The following ANKRD24 variants were observed in gnomAD, a reference collection of about 807,000 sequenced individuals.
The protein encoded by ANKRD24 is ankyrin repeat domain-containing protein 24.
A neutral mutation model predicts 127.8 loss-of-function variants in ANKRD24; 109 were observed. The ratio of observed to expected loss-of-function variants is 0.85; its 90% CI spans 0.73 to 1.00. The LOEUF (loss-of-function observed/expected upper bound fraction) is 1.00. Among genes scored for constraint, ANKRD24 ranks in the 50% least tolerant of loss-of-function variants. The probability of loss-of-function intolerance (pLI) is 0.00; values close to 1 mark genes in which losing one functional copy is unlikely to be tolerated. For missense variants in ANKRD24, 1,648 were observed against 1,570.2 expected (o/e 1.05, Z -0.84); for synonymous variants, 743 against 671.1 (o/e 1.11, Z -1.66).
At position 4,218,073 on chromosome 19, in the gene ANKRD24, G is replaced by T. The variant is rs770622444; in HGVS notation, c.2913G>T (p.Val971=). The change falls in exon 18 of 22, where the codon GTG becomes GTT. Residue 971 remains valine, a synonymous_variant. Coordinates refer to ENST00000318934, the MANE Select transcript of ANKRD24 (RefSeq NM_001393985.1). ...SVALSEHERI[V]GTLQANVAQL... ...CGCTCTCGGAGCACGAACGCATCGT[G>T]GGCACCCTGCAGGCCAACGTGGCCC... 7 of 1,555,812 alleles carry T rather than the reference G, an allele frequency of 4.5e-6. No individual in the cohort carries two copies. The highest frequency in any genetic ancestry group is 1.2e-5 in the South Asian group (1 of 83,842).
chr19:4,216,955 A>C lies in ANKRD24; in HGVS notation c.1795A>C (p.Thr599Pro), dbSNP rs758115867. 15 of 1,611,776 alleles carry C rather than the reference A, an allele frequency of 9.3e-6. No homozygotes were observed. The highest frequency in any genetic ancestry group is 1.3e-5 in the African/African-American group (1 of 74,870). Residue 599 changes from threonine (T) to proline (P), a missense_variant, in exon 18 of 22, where the codon ACA becomes CCA. Physicochemically the swap from Thr to Pro is conservative, Grantham distance 38. Transcript: ENST00000318934. The stretch of plus-strand genomic sequence containing the variant: ...GGCCACAGGAGCCAAGGTCACAGAA[A>C]CAAAACCCACAGGGGCTGAGGTCAG... ...AEATGAKVTE[T>P]KPTGAEVREM...
intron 11 of ANKRD24, among the ~76,000 whole-genome samples, chr19:4,209,319 G>C (rs1223575591): frequency 1.3e-5 from 2 of 151,882 alleles, no homozygotes; most frequent in East Asian, 3.9e-4. Context: ...TGTTGGCCAG[G>C]CTGGTCTCAA....
chr19:4,217,852 G>A lies in ANKRD24; in HGVS notation c.2692G>A (p.Gly898Ser), dbSNP rs1970204020. ...LPAACEEARQ[G>S]LAELREASEA... ...TGCGGCCTGCGAGGAGGCGCGGCAG[G>A]GCCTGGCCGAGCTGCGGGAGGCCTC... The change falls in exon 18 of 22, where the codon GGC becomes AGC. Residue 898 changes from glycine to serine, a missense_variant. Physicochemically the swap from Gly to Ser is moderately conservative, Grantham distance 56. Coordinates refer to ENST00000318934, the MANE Select transcript of ANKRD24 (RefSeq NM_001393985.1). The A allele has an allele frequency of 6.9e-7, 1 of 1,450,672 alleles. No homozygotes were observed. The highest frequency in any genetic ancestry group is 3.0e-5 in the East Asian group (1 of 32,824). 89.9% of individuals were successfully genotyped at this position (1,450,672 alleles called of 1,614,324 possible).
intron 1 of ANKRD24, among the ~76,000 whole-genome samples, chr19:4,185,741 CTG>C (rs1330892387): frequency 3.3e-5 from 5 of 152,248 alleles, no homozygotes; most frequent in African/African-American, 1.2e-4. Context: ...AAACATGCCT[CTG>C]TGCTGAGAGC....
chr19:4,208,948 A>T, intron 11 of ANKRD24, 147 bp downstream of exon 11: 7 of 821,798 alleles, frequency 8.5e-6, no homozygotes, highest in Non-Finnish European at 1.3e-5. Context: ...TGCTGCCACC[A>T]AGTGGCGGCA....
Position 4,207,798 on chromosome 19 carries a change from C to A in ANKRD24, c.662C>A (p.Ala221Asp). ...DLQGRTALML[A>D]CEGASPETVE... ...CCTGGTAGGACGGCCCTGATGCTGG[C>A]CTGTGAGGGGGCCAGCCCCGAAACA... is the stretch of plus-strand genomic sequence containing the variant. Residue 221 changes from alanine to aspartate, a missense_variant, in exon 10 of 22, where the codon GCC becomes GAC. Coordinates refer to ENST00000318934, the MANE Select transcript of ANKRD24 (RefSeq NM_001393985.1). 6.4e-7 allele frequency: 1 copy of A among 1,573,026 alleles called. No homozygotes were observed. The highest frequency in any genetic ancestry group is 8.6e-7 in the Non-Finnish European group (1 of 1,160,078).
intron 19 of ANKRD24, among the ~76,000 whole-genome samples, chr19:4,220,455 ACCCACGTT>A (rs142657384): frequency 0.019 from 2,824 of 152,242 alleles, 93 homozygotes; most frequent in African/African-American, 0.064. Flanking sequence ...CTGGGTTTGT[ACCCACGTT>A]CCCACGTTTC....
chr19:4,203,898 G>A (rs1232148258), intron 7 of ANKRD24, among the ~76,000 whole-genome samples: 2 of 145,470 alleles, frequency 1.4e-5, no homozygotes, highest in African/African-American at 2.6e-5. Context: ...TGATCTGCCC[G>A]CCTCGGCCTC....
rs780023935 is a variant in ANKRD24, at chr19:4,217,248, G to T, written c.2088G>T (p.Gly696=). Residue 696 remains glycine (G), a synonymous_variant, in exon 18 of 22, where the codon GGG becomes GGT. Transcript: ENST00000318934. ...GVSATGVENP[G]VEATVPGISA... ...GTGCCACAGGTGTGGAGAACCCAGG[G>T]GTAGAGGCCACGGTCCCGGGGATCT... 6.3e-7 allele frequency: 1 copy of T among 1,591,392 alleles called. No individual in the cohort carries two copies. Among genetic ancestry groups the T allele is most frequent in the East Asian group, 2.3e-5 (1 of 43,708 alleles).
At chr19:4,222,635 C>T (rs902315880) in intron 19 of ANKRD24, 35 bp from the exon 20 acceptor site, 2 of 1,577,322 alleles carry the variant, frequency 1.3e-6, no homozygotes, top group Non-Finnish European at 8.7e-7. Context: ...CAGCTCTGGG[C>T]TTAGGGTGAT....
At chr19:4,210,187 C>T (rs748461434) in intron 12 of ANKRD24, 49 bp downstream of exon 12, 25 of 1,568,686 alleles carry the variant, frequency 1.6e-5, no homozygotes, top group East Asian at 4.6e-5. Flanking sequence ...CCCCCAGGCA[C>T]GGGGAGGGGC....
At chr19:4,194,451 C>A (rs1027973907) in intron 2 of ANKRD24, among the ~76,000 whole-genome samples, 1 of 152,142 alleles carries the variant, frequency 6.6e-6, no homozygotes, top group Non-Finnish European at 1.5e-5. Context: ...CCGCACCTAG[C>A]CAGAAATGTG....
intron 2 of ANKRD24, among the ~76,000 whole-genome samples, chr19:4,197,582 AAATGGGTGAGACC>A (rs1968819962): frequency 6.6e-6 from 1 of 151,514 alleles, no homozygotes; most frequent in Non-Finnish European, 1.5e-5. Flanking sequence ...ATGAATGAAC[AAATGGGTGAGACC>A]AATGAATGAA....
intron 20 of ANKRD24, among the ~76,000 whole-genome samples, chr19:4,223,883 G>C (rs566548998): frequency 6.6e-6 from 1 of 152,184 alleles, no homozygotes; most frequent in South Asian, 2.1e-4. Flanking sequence ...ATTTTTAGTA[G>C]AGACGGGATT....
intron 5 of ANKRD24, among the ~76,000 whole-genome samples, chr19:4,201,789 A>G (rs1969107148): frequency 6.6e-6 from 1 of 152,162 alleles, no homozygotes; most frequent in Non-Finnish European, 1.5e-5. Flanking sequence ...CGGAAGGCTG[A>G]GACAGGAGGA....
At chr19:4,209,012 TA>T in intron 11 of ANKRD24, 1 of 435,906 alleles carries the variant, frequency 2.3e-6, no homozygotes. Flanking sequence ...GGGGCCAAAT[TA>T]TGGGGCTGGG....
At position 4,195,588 on chromosome 19, in the gene ANKRD24, C is replaced by T. The variant is rs1164491578; in HGVS notation, c.37-4095C>T. On this transcript the variant is annotated intron_variant, in intron 2 of 21. Transcript: ENST00000318934. This position sits in a 1 kb window ranked among gnomAD's most constrained non-coding sequence, Gnocchi z 4.2. ...TTTCCTGCCTTGGTTCCCACTCCTC[C>T]CTCCTCTTGTCCAAACATGTCTAAG... Among the ~76,000 whole-genome samples the T allele has an allele frequency of 6.6e-6, 1 of 152,178 alleles. No individual in the cohort carries two copies. The highest frequency in any genetic ancestry group is 1.5e-5 in the Non-Finnish European group (1 of 68,036).
At chr19:4,184,387 G>A (rs2145199880) in intron 1 of ANKRD24, among the ~76,000 whole-genome samples, 1 of 152,352 alleles carries the variant, frequency 6.6e-6, no homozygotes, top group African/African-American at 2.4e-5. Context: ...TTGTATGTGG[G>A]AGAAAGAAGC....
chr19:4,217,274 C>G lies in ANKRD24; in HGVS notation c.2114C>G (p.Ser705Cys). 2 of 1,562,348 alleles carry G rather than the reference C, an allele frequency of 1.3e-6. No homozygotes were observed. Among genetic ancestry groups the G allele is most frequent in the Non-Finnish European group, 1.7e-6 (2 of 1,153,404 alleles). ...PGVEATVPGI[S>C]AGPILHPGAA... ...GTAGAGGCCACGGTCCCGGGGATCTCTGCTGGCCCCATCCTACATCCTGGT... is the reference window on the plus strand; with the variant it reads ...GTAGAGGCCACGGTCCCGGGGATCTGTGCTGGCCCCATCCTACATCCTGGT... Residue 705 changes from serine (S) to cysteine (C), a missense_variant, in exon 18 of 22, where the codon TCT becomes TGT. Physicochemically the swap from Ser to Cys is moderately radical, Grantham distance 112. Transcript: ENST00000318934.
Sources: gnomAD v4.1 joint callset for allele counts (sites outside exome capture counted in the v4.1 genomes callset) on GRCh38, gnomAD v4.1.1 for gene constraint, Gnocchi (gnomAD v3.1) non-coding constraint, MANE v1.5 for transcripts, NCBI Gene and HGNC (gene_info 2026-07-23, HGNC 2026-07-21) for gene names.